The following NFIB variants were observed in gnomAD, a reference collection of about 807,000 sequenced individuals.
NFIB encodes the protein nuclear factor 1 B-type.
A neutral mutation model predicts 61.5 loss-of-function variants in NFIB; 11 were observed. The observed-to-expected ratio is 0.18, with a 90% CI of 0.11 to 0.30. The LOEUF (loss-of-function observed/expected upper bound fraction) is 0.30, where lower values mean the gene tolerates loss of function less well. Ranked by LOEUF, NFIB falls within the 10% of genes least tolerant of loss-of-function variation. The pLI is 1.00. For missense variants in NFIB, 471 were observed against 608.9 expected (o/e 0.77, Z 2.38); for synonymous variants, 260 against 216.5 (o/e 1.20, Z -1.76).
At chr9:14,527,886 T>C in the NFIB span, among the ~76,000 whole-genome samples, 1 of 152,182 alleles carries the variant, frequency 6.6e-6, no homozygotes, top group African/African-American at 2.4e-5. Context: ...TTTTCAGATA[T>C]ATCTTTGCAT....
At chr9:14,099,106 A>C (rs1404691998) in intron 10 of NFIB, among the ~76,000 whole-genome samples, 1 of 152,222 alleles carries the variant, frequency 6.6e-6, no homozygotes, top group Non-Finnish European at 1.5e-5. Context: ...ACCATGGAAA[A>C]GTGATTGTAC....
intron 6 of NFIB, among the ~76,000 whole-genome samples, chr9:14,143,834 C>A (rs924210408): frequency 6.6e-6 from 1 of 152,060 alleles, no homozygotes; most frequent in African/African-American, 2.4e-5. Flanking sequence ...TTTTAAAAAG[C>A]AATTTTCTAA....
At chr9:14,292,785 T>C (rs1356882710) in intron 2 of NFIB, among the ~76,000 whole-genome samples, 1 of 152,220 alleles carries the variant, frequency 6.6e-6, no homozygotes, top group East Asian at 1.9e-4. Flanking sequence ...ATCAGGTCAC[T>C]AAATAATTTA....
intron 6 of NFIB, among the ~76,000 whole-genome samples, chr9:14,146,167 C>G (rs1215990837): frequency 6.6e-6 from 1 of 152,138 alleles, no homozygotes; most frequent in African/African-American, 2.4e-5. Flanking sequence ...AACTGGGTCA[C>G]AGTTTTATCT....
Position 14,118,351 on chromosome 9 carries a change from C to T in NFIB, c.1246-2005G>A, listed in dbSNP as rs184452825. 1.2e-4 allele frequency among the ~76,000 whole-genome samples: 19 copies of T among 152,192 alleles called. No homozygotes were observed. In the East Asian group the frequency reaches 3.1e-3, roughly 25 times the overall value. ...GAACAAAATGTCTGGAGCAGAATGA[C>T]AATAATTTCAAGGAAATGCTGCCAC... On this transcript the variant is annotated intron_variant, in intron 8 of 10. Coordinates refer to ENST00000380953, the MANE Select transcript of NFIB (RefSeq NM_001190737.2).
chr9:14,483,686 G>A, the NFIB span, among the ~76,000 whole-genome samples: 1 of 152,160 alleles, frequency 6.6e-6, no homozygotes, highest in African/African-American at 2.4e-5. Context: ...GTGAGTGTTA[G>A]CAATAAGAAT....
rs982804702 is a variant in NFIB at position 14,311,338 on chromosome 9, C to T, written c.30+2144G>A. Among the ~76,000 whole-genome samples the T allele has an allele frequency of 2.0e-5, 3 of 152,112 alleles. No homozygotes were observed. The South Asian group carries it at 6.2e-4, about 31-fold the overall frequency. On this transcript the variant is annotated intron_variant, in intron 1 of 10. Coordinates refer to ENST00000380953, the MANE Select transcript of NFIB (RefSeq NM_001190737.2). ...CATGTTTTTCTACAGCTACTAGGCT[C>T]TTGTGATACAAAACTACTGATCTGA...
chr9:14,369,029 A>G (rs1247155935), intron 1 of NFIB, among the ~76,000 whole-genome samples: 1 of 152,230 alleles, frequency 6.6e-6, no homozygotes, highest in Non-Finnish European at 1.5e-5. Flanking sequence ...ACTGTGCCTG[A>G]TACATAATAT....
intron 2 of NFIB, among the ~76,000 whole-genome samples, chr9:14,250,051 G>A (rs1397003246): frequency 6.6e-6 from 1 of 152,058 alleles, no homozygotes; most frequent in East Asian, 1.9e-4. Context: ...TTCTTTTCTT[G>A]ATAAGTCTTA....
chr9:14,202,656 C>T (rs923774220), intron 2 of NFIB, among the ~76,000 whole-genome samples: 1 of 152,078 alleles, frequency 6.6e-6, no homozygotes, highest in Non-Finnish European at 1.5e-5. Flanking sequence ...ATCGGTTCTA[C>T]GTTTCTTGTC....
intron 1 of NFIB, among the ~76,000 whole-genome samples, chr9:14,331,539 G>A (rs1378874566): frequency 6.6e-6 from 1 of 152,144 alleles, no homozygotes; most frequent in Non-Finnish European, 1.5e-5. Flanking sequence ...TACCCTGTGG[G>A]GATTAAAGAA....
intron 5 of NFIB, among the ~76,000 whole-genome samples, chr9:14,149,054 T>C (rs930350489): frequency 1.3e-5 from 2 of 152,166 alleles, no homozygotes; most frequent in Non-Finnish European, 2.9e-5. Context: ...TTGACAACAG[T>C]GATTTAGCAG....
the NFIB span, among the ~76,000 whole-genome samples, chr9:14,477,144 C>T: frequency 1.3e-5 from 2 of 152,292 alleles, no homozygotes; most frequent in African/African-American, 4.8e-5. Context: ...CCCCATATGA[C>T]ATTCCATTCT....
In NFIB at chr9:14,383,400, G is replaced by C. The variant is rs1331790122; in HGVS notation, c.108+15124C>G. ...GGGTTGAAAGGAAGGAGGTATTCTAGAATTAATAATTCAAATAGGGCTGTT... is the reference window on the plus strand; with the variant it reads ...GGGTTGAAAGGAAGGAGGTATTCTACAATTAATAATTCAAATAGGGCTGTT... On this transcript the variant is annotated intron_variant, in intron 1 of 8. Coordinates refer to the NFIB transcript ENST00000380934. 2.0e-5 allele frequency among the ~76,000 whole-genome samples: 3 copies of C among 152,296 alleles called. No homozygotes were observed. In the East Asian group the frequency reaches 5.8e-4, roughly 29 times the overall value.
chr9:14,167,002 T>C (rs2044876893), intron 3 of NFIB, among the ~76,000 whole-genome samples: 1 of 150,536 alleles, frequency 6.6e-6, no homozygotes, highest in South Asian at 2.1e-4. Flanking sequence ...CAAAGATATG[T>C]CCTCGTGGTT....
intron 2 of NFIB, among the ~76,000 whole-genome samples, chr9:14,287,293 T>C (rs908760801): frequency 7.3e-5 from 11 of 151,412 alleles, no homozygotes; most frequent in African/African-American, 2.7e-4. Flanking sequence ...TAGCTGGGCG[T>C]GGTGGCGGGC....
intron 1 of NFIB, among the ~76,000 whole-genome samples, chr9:14,363,561 C>T (rs956423547): frequency 6.6e-6 from 1 of 150,964 alleles, no homozygotes; most frequent in African/African-American, 2.4e-5. Context: ...TTATTTTTTT[C>T]TGATTACGAA....
At chr9:14,400,249 C>T (rs1006873591), upstream of NFIB, among the ~76,000 whole-genome samples, 4 of 152,170 alleles carry the variant, frequency 2.6e-5, no homozygotes, top group Admixed American at 6.5e-5. Flanking sequence ...GATTCCCACT[C>T]AGTAAATGCA....
chr9:14,530,609 C>T, the NFIB span, among the ~76,000 whole-genome samples: 11 of 152,122 alleles, frequency 7.2e-5, no homozygotes, highest in Non-Finnish European at 2.9e-5. Context: ...TTTCACGAGA[C>T]GCCTAGGATC....
Sources: allele counts gnomAD v4.1 joint callset (sites outside exome capture counted in the v4.1 genomes callset), GRCh38; gene constraint gnomAD v4.1.1; transcripts MANE v1.5; gene names NCBI Gene and HGNC (gene_info 2026-07-23, HGNC 2026-07-21).